Variants in TCF12 observed in about 807,000 individuals in gnomAD.
The protein encoded by TCF12 is transcription factor 12.
In TCF12, 45 loss-of-function variants were observed where a neutral mutation model predicts 86.0. The ratio of observed to expected loss-of-function variants is 0.52; its 90% CI spans 0.41 to 0.67. The LOEUF (loss-of-function observed/expected upper bound fraction) is 0.67. Ranked by LOEUF, TCF12 falls within the 30% of genes least tolerant of loss-of-function variation. The probability of loss-of-function intolerance (pLI) is 0.00; values close to 1 mark genes in which losing one functional copy is unlikely to be tolerated. For missense variants in TCF12, 881 were observed against 859.9 expected (o/e 1.02, Z -0.31); for synonymous variants, 330 against 299.6 (o/e 1.10, Z -1.05).
At chr15:57,145,688 A>G (rs1311091715) in intron 5 of TCF12, among the ~76,000 whole-genome samples, 2 of 152,084 alleles carry the variant, frequency 1.3e-5, no homozygotes, top group Non-Finnish European at 2.9e-5. Context: ...GCACGCTGAC[A>G]TAGCCTCAGT....
At chr15:56,939,939 G>C (rs1469257221) in intron 3 of TCF12, among the ~76,000 whole-genome samples, 1 of 145,324 alleles carries the variant, frequency 6.9e-6, no homozygotes, top group Admixed American at 6.8e-5. Flanking sequence ...GCTCTGAAAA[G>C]CAAAAAGAAG....
chr15:57,084,577 C>T (rs1443594990), intron 4 of TCF12, among the ~76,000 whole-genome samples: 1 of 152,146 alleles, frequency 6.6e-6, no homozygotes, highest in Middle Eastern at 3.2e-3. Flanking sequence ...GGAGCTTCTG[C>T]ATTTCAACAA....
intron 3 of TCF12, among the ~76,000 whole-genome samples, chr15:56,964,755 A>G (rs2061929193): frequency 6.6e-6 from 1 of 152,226 alleles, no homozygotes; most frequent in Non-Finnish European, 1.5e-5. Flanking sequence ...CTTGTGCCTT[A>G]TAATAAAGGA....
intron 7 of TCF12, 95 bp downstream of exon 7, chr15:57,192,388 T>TC: frequency 6.9e-7 from 1 of 1,441,572 alleles, no homozygotes; most frequent in Non-Finnish European, 9.4e-7. Flanking sequence ...TTTTTTTTTT[T>TC]CTTTCCGTTT....
At chr15:56,934,672 CTAAG>C (rs1358986750) in intron 3 of TCF12, among the ~76,000 whole-genome samples, 1 of 152,104 alleles carries the variant, frequency 6.6e-6, no homozygotes, top group African/African-American at 2.4e-5. Context: ...ACATGACTTC[CTAAG>C]TATCTTATGC....
chr15:57,255,724 C>T lies in TCF12; in HGVS notation c.1467+2256C>T, dbSNP rs576108152. On this transcript the variant is annotated intron_variant, in intron 16 of 20. Transcript: ENST00000333725. ...GTCTCAAACTCCTGACCTTGTGATC[C>T]GCCCACCTCGGCCTCCCAAAGTGCT... 3.9e-5 allele frequency among the ~76,000 whole-genome samples: 6 copies of T among 152,140 alleles called. No individual in the cohort carries two copies. The South Asian group carries it at 6.2e-4, about 16-fold the overall frequency.
intron 3 of TCF12, among the ~76,000 whole-genome samples, chr15:56,951,214 T>G (rs1378880122): frequency 1.3e-5 from 2 of 152,204 alleles, no homozygotes; most frequent in Non-Finnish European, 2.9e-5. Flanking sequence ...ATGGTTTGTA[T>G]GGTTATTCAT....
intron 3 of TCF12, among the ~76,000 whole-genome samples, chr15:56,923,075 TTTTG>T (rs2059861385): frequency 1.3e-5 from 2 of 152,064 alleles, no homozygotes; most frequent in South Asian, 2.1e-4. Flanking sequence ...GATTAGGGTT[TTTTG>T]TTTGTTTTCT....
chr15:56,939,221 A>G (rs1488826248), intron 3 of TCF12, among the ~76,000 whole-genome samples: 6 of 152,232 alleles, frequency 3.9e-5, no homozygotes, highest in African/African-American at 7.2e-5. Context: ...TATACATTGT[A>G]TACAAATGTA....
chr15:57,124,749 C>T (rs2051509862), intron 5 of TCF12, among the ~76,000 whole-genome samples: 1 of 151,936 alleles, frequency 6.6e-6, no homozygotes, highest in South Asian at 2.1e-4. Flanking sequence ...GCGATCTCGG[C>T]TCACTGCAAG....
At chr15:56,948,567 A>AT (rs1431522458) in intron 3 of TCF12, among the ~76,000 whole-genome samples, 4 of 152,236 alleles carry the variant, frequency 2.6e-5, no homozygotes, top group Admixed American at 2.6e-4. Flanking sequence ...ACTGGAGTGA[A>AT]TACCAGTGAA....
chr15:56,921,647 C>A (rs1022177717), intron 3 of TCF12, among the ~76,000 whole-genome samples: 1 of 151,664 alleles, frequency 6.6e-6, no homozygotes, highest in Non-Finnish European at 1.5e-5. Flanking sequence ...AAATTTATTT[C>A]TTTGTGCTTA....
intron 4 of TCF12, among the ~76,000 whole-genome samples, chr15:57,077,418 A>C: frequency 7.3e-6 from 1 of 137,766 alleles, no homozygotes. Flanking sequence ...TCTGGCGCCC[A>C]GGCTGGAGTG....
intron 3 of TCF12, among the ~76,000 whole-genome samples, chr15:57,056,806 C>G (rs1243488622): frequency 1.2e-4 from 17 of 142,322 alleles, no homozygotes; most frequent in African/African-American, 4.4e-4. Context: ...GAGATTTTCA[C>G]TTTTTTTTTT....
chr15:57,032,261 A>C (rs1440531697), intron 3 of TCF12, among the ~76,000 whole-genome samples: 1 of 152,204 alleles, frequency 6.6e-6, no homozygotes, highest in South Asian at 2.1e-4. Flanking sequence ...CACCCACAGG[A>C]ATAATCCAAA....
intron 3 of TCF12, among the ~76,000 whole-genome samples, chr15:56,959,259 A>C (rs2061637148): frequency 6.6e-6 from 1 of 152,214 alleles, no homozygotes; most frequent in Admixed American, 6.5e-5. Context: ...TGGATGAAAA[A>C]TTGATTTCTG....
intron 4 of TCF12, among the ~76,000 whole-genome samples, chr15:57,078,432 A>G (rs376942806): frequency 2.6e-5 from 4 of 152,258 alleles, no homozygotes; most frequent in African/African-American, 9.6e-5. Flanking sequence ...ACCTCATGAA[A>G]AGGTTATTCA....
chr15:57,193,009 T>C (rs2057063800), intron 7 of TCF12, among the ~76,000 whole-genome samples: 1 of 152,226 alleles, frequency 6.6e-6, no homozygotes, highest in African/African-American at 2.4e-5. Flanking sequence ...TTTCATGTTC[T>C]AATGTTAATA....
intron 5 of TCF12, among the ~76,000 whole-genome samples, chr15:57,150,398 A>G (rs1354595635): frequency 6.6e-6 from 1 of 152,138 alleles, no homozygotes; most frequent in African/African-American, 2.4e-5. Context: ...AGTCTTCAAA[A>G]GGGTATTGTG....
Sources: gnomAD v4.1 joint callset for allele counts (sites outside exome capture counted in the v4.1 genomes callset) on GRCh38, gnomAD v4.1.1 for gene constraint, MANE v1.5 for transcripts, NCBI Gene and HGNC (gene_info 2026-07-23, HGNC 2026-07-21) for gene names.